HS3ST5: variants seen among roughly 807,000 people sequenced by gnomAD.
The protein encoded by HS3ST5 is heparan sulfate glucosamine 3-O-sulfotransferase 5.
HS3ST5 carries 10 observed loss-of-function variants against 25.4 expected under a neutral mutation model. The observed-to-expected ratio is 0.39, with a 90% confidence interval of 0.24 to 0.67. The LOEUF (loss-of-function observed/expected upper bound fraction) is 0.67, where lower values mean the gene tolerates loss of function less well. Ranked by LOEUF, HS3ST5 falls within the 30% of genes least tolerant of loss-of-function variation. HS3ST5 has a pLI of 0.44. For missense variants in HS3ST5, 324 were observed against 420.7 expected, an observed-to-expected ratio of 0.77 and a Z score of 2.01; for synonymous variants, 170 against 162.4, an observed-to-expected ratio of 1.05 and a Z score of -0.36.
intron 3 of HS3ST5, among the ~76,000 whole-genome samples, chr6:114,105,733 C>G (rs941531631): frequency 6.6e-6 from 1 of 152,108 alleles, no homozygotes; most frequent in Non-Finnish European, 1.5e-5. Flanking sequence ...AATTTATAAA[C>G]TGCTGTTTTC....
intron 2 of HS3ST5, among the ~76,000 whole-genome samples, chr6:114,206,756 A>G (rs1335707436): frequency 6.6e-6 from 1 of 152,202 alleles, no homozygotes; most frequent in East Asian, 1.9e-4. Context: ...TAAACATAGA[A>G]TGGCTTCTGA....
At chr6:114,324,273 C>G (rs1449286972) in intron 1 of HS3ST5, among the ~76,000 whole-genome samples, 3 of 152,194 alleles carry the variant, frequency 2.0e-5, no homozygotes, top group African/African-American at 7.2e-5. Context: ...AGAATTAAAA[C>G]TGTGTTCCCT....
chr6:114,153,835 T>C (rs1778572663), intron 3 of HS3ST5, among the ~76,000 whole-genome samples: 3 of 152,204 alleles, frequency 2.0e-5, no homozygotes, highest in Admixed American at 2.0e-4. Context: ...AGGCTGGGCA[T>C]GGTGAGGCCC....
intron 3 of HS3ST5, among the ~76,000 whole-genome samples, chr6:114,161,595 T>C (rs549011789): frequency 8.6e-5 from 11 of 127,826 alleles, no homozygotes; most frequent in Non-Finnish European, 1.8e-4. Context: ...GGCGTGTATG[T>C]GTGTATGTGT....
intron 2 of HS3ST5, among the ~76,000 whole-genome samples, chr6:114,170,239 T>A (rs7748851): frequency 0.54 from 82,514 of 151,940 alleles, 22,839 homozygotes; most frequent in African/African-American, 0.63. Context: ...TGATTTTTTT[T>A]AAAAAATACA....
chr6:114,198,547 T>G lies in HS3ST5; in HGVS notation c.-145+30038A>C, dbSNP rs541410598. The stretch of plus-strand genomic sequence containing the variant: ...TAATGCAGAAAAATAGGGAATAGGT[T>G]TAAGGTGCAATTAGCACCTTCTGTT... On this transcript the variant is annotated intron_variant, in intron 2 of 4. Transcript: ENST00000312719. 3.9e-5 allele frequency among the ~76,000 whole-genome samples: 6 copies of G among 152,320 alleles called. No individual in the cohort carries two copies. In the East Asian group the frequency reaches 1.2e-3, roughly 29 times the overall value.
chr6:114,130,965 C>T (rs1777302311), intron 3 of HS3ST5, among the ~76,000 whole-genome samples: 1 of 152,124 alleles, frequency 6.6e-6, no homozygotes, highest in African/African-American at 2.4e-5. Flanking sequence ...TTGCTTAAAT[C>T]CAGGAACTCA....
intron 1 of HS3ST5, among the ~76,000 whole-genome samples, chr6:114,301,617 CT>C (rs766895321): frequency 3.9e-5 from 6 of 152,190 alleles, no homozygotes; most frequent in Non-Finnish European, 7.4e-5. Context: ...ACACTCTTTC[CT>C]AAATATGGTA....
intron 2 of HS3ST5, among the ~76,000 whole-genome samples, chr6:114,169,552 T>A (rs1779375379): frequency 6.6e-6 from 1 of 152,156 alleles, no homozygotes; most frequent in African/African-American, 2.4e-5. Context: ...ATGGCACATA[T>A]CAGTCATGCC....
chr6:114,087,558 T>C (rs1466157719), intron 3 of HS3ST5, among the ~76,000 whole-genome samples: 2 of 152,198 alleles, frequency 1.3e-5, no homozygotes, highest in Admixed American at 6.5e-5. Context: ...TTGATCCTTG[T>C]TTGTGGAATT....
intron 1 of HS3ST5, among the ~76,000 whole-genome samples, chr6:114,298,794 G>A (rs1765046): frequency 0.67 from 101,642 of 152,054 alleles, 34,592 homozygotes; most frequent in African/African-American, 0.77. Context: ...TGAAGATTTC[G>A]TGGACACTTA....
chr6:114,193,023 C>T (rs1780576633), intron 2 of HS3ST5, among the ~76,000 whole-genome samples: 1 of 152,134 alleles, frequency 6.6e-6, no homozygotes, highest in Non-Finnish European at 1.5e-5. Context: ...GGGTGTATAT[C>T]TGTGGGATTT....
At chr6:114,161,521 TTATATATATATA>T (rs59921019) in intron 3 of HS3ST5, among the ~76,000 whole-genome samples, 1,028 of 33,492 alleles carry the variant, frequency 0.031, 28 homozygotes, top group Admixed American at 0.048. Context: ...TCCTGAAGTT[TTATATATATATA>T]TATATATATA....
intron 1 of HS3ST5, among the ~76,000 whole-genome samples, chr6:114,322,114 AT>A (rs1775993527): frequency 6.6e-6 from 1 of 152,164 alleles, no homozygotes; most frequent in African/African-American, 2.4e-5. Context: ...AAGTAATAGA[AT>A]TTTTAGCCTT....
intron 1 of HS3ST5, among the ~76,000 whole-genome samples, chr6:114,300,186 T>C (rs62444080): frequency 1.2e-4 from 18 of 152,032 alleles, no homozygotes; most frequent in East Asian, 5.8e-4. Context: ...TATTGTGCTA[T>C]AGTATTTCAA....
intron 3 of HS3ST5, among the ~76,000 whole-genome samples, chr6:114,098,804 A>G (rs1030188991): frequency 7.2e-5 from 11 of 152,050 alleles, no homozygotes; most frequent in Non-Finnish European, 1.6e-4. Flanking sequence ...AAAGTGATTA[A>G]ATAATTTAAT....
intron 3 of HS3ST5, among the ~76,000 whole-genome samples, chr6:114,087,602 TAAAC>T (rs1326369473): frequency 1.3e-5 from 2 of 152,178 alleles, no homozygotes; most frequent in African/African-American, 2.4e-5. Flanking sequence ...CCCAGTGAGA[TAAAC>T]AAAATAATCA....
At chr6:114,212,735 T>G (rs943963770) in intron 2 of HS3ST5, among the ~76,000 whole-genome samples, 2 of 152,156 alleles carry the variant, frequency 1.3e-5, no homozygotes, top group African/African-American at 4.8e-5. Context: ...CCTGTTTCAG[T>G]AGGTTAGTAA....
chr6:114,060,971 C>T (rs1238533564), intron 4 of HS3ST5, among the ~76,000 whole-genome samples: 2 of 152,138 alleles, frequency 1.3e-5, no homozygotes, highest in Non-Finnish European at 2.9e-5. Context: ...CTCTGTCTCC[C>T]TCCCAGAAAG....
Sources: allele counts gnomAD v4.1 joint callset (sites outside exome capture counted in the v4.1 genomes callset), GRCh38; gene constraint gnomAD v4.1.1; transcripts MANE v1.5; gene names NCBI Gene and HGNC (gene_info 2026-07-23, HGNC 2026-07-21).